Variants in LCORL observed in about 807,000 individuals in gnomAD.
LCORL encodes the protein ligand dependent nuclear receptor corepressor like.
LCORL carries 41 observed loss-of-function variants against 141.8 expected under a neutral mutation model. The observed-to-expected ratio is 0.29, with a 90% confidence interval of 0.23 to 0.38. The LOEUF (loss-of-function observed/expected upper bound fraction) is 0.38. Among genes scored for constraint, LCORL ranks in the 10% least tolerant of loss-of-function variants. LCORL has a pLI of 1.00. For missense variants in LCORL, 1,759 were observed against 2,035.0 expected (o/e 0.86, Z 2.61); for synonymous variants, 618 against 694.1 (o/e 0.89, Z 1.72).
intron 4 of LCORL, among the ~76,000 whole-genome samples, chr4:17,938,342 G>T (rs914961277): frequency 3.3e-5 from 5 of 150,718 alleles, no homozygotes; most frequent in African/African-American, 1.2e-4. Context: ...GACTTACCTT[G>T]ATGTTACAAA....
intron 1 of LCORL, among the ~76,000 whole-genome samples, chr4:17,986,346 T>A (rs921832303): frequency 2.6e-5 from 4 of 152,226 alleles, no homozygotes; most frequent in African/African-American, 9.6e-5. Flanking sequence ...CCCTGAAATA[T>A]GTTTTCCAAG....
intron 1 of LCORL, among the ~76,000 whole-genome samples, chr4:17,982,732 T>C (rs927979636): frequency 2.0e-5 from 3 of 152,240 alleles, no homozygotes; most frequent in African/African-American, 2.4e-5. Flanking sequence ...CTCTTTATTC[T>C]GTTGACAGTT....
At chr4:17,961,408 A>AT (rs952339698) in intron 4 of LCORL, among the ~76,000 whole-genome samples, 4 of 152,014 alleles carry the variant, frequency 2.6e-5, no homozygotes, top group Admixed American at 6.6e-5. Flanking sequence ...AAGAACATTG[A>AT]TTTTTTTAAT....
chr4:17,889,335 CTA>C (rs1728746255), intron 5 of LCORL, among the ~76,000 whole-genome samples: 1 of 151,754 alleles, frequency 6.6e-6, no homozygotes, highest in Non-Finnish European at 1.5e-5. Context: ...CACATCTAGG[CTA>C]TGTTAAAAGT....
Position 18,021,708 on chromosome 4 carries a change from G to A in LCORL, c.44C>T (p.Ala15Val), listed in dbSNP as rs1164994648. 2.6e-6 allele frequency: 4 copies of A among 1,527,262 alleles called. No individual in the cohort carries two copies. The highest frequency in any genetic ancestry group is 2.5e-5 in the South Asian group (2 of 81,592). 94.6% of individuals were successfully genotyped at this position (1,527,262 alleles called of 1,614,324 possible). A position where few individuals can be genotyped will look rare whatever the true frequency, so the allele number is the denominator to read the frequency against. Residue 15 changes from alanine to valine, a missense_variant, in exon 1 of 8, where the codon GCT becomes GTT. Ala to Val is a moderately conservative substitution (Grantham distance 64, BLOSUM62 0). This residue lies in a region of LCORL where 86 missense variants were observed against 61.8 expected (regional missense o/e 1.39). Transcript: ENST00000635767. The surrounding 1 kb of genome is among the most constrained non-coding windows in gnomAD (Gnocchi z 5.5). The stretch of plus-strand genomic sequence containing the variant: ...CTGAGCGGCGGCGGCGGCGGCGGCA[G>A]CAGCGGCGGCGGCAGCGGCCATTCT...
intron 1 of LCORL, among the ~76,000 whole-genome samples, chr4:17,981,931 T>C (rs992687011): frequency 6.6e-6 from 1 of 152,150 alleles, no homozygotes; most frequent in Non-Finnish European, 1.5e-5. Flanking sequence ...CCAATGTCTG[T>C]TGCTCCCCTC....
intron 4 of LCORL, among the ~76,000 whole-genome samples, chr4:17,951,576 A>G (rs374273647): frequency 1.4e-3 from 210 of 152,310 alleles, no homozygotes; most frequent in African/African-American, 4.8e-3. Flanking sequence ...AAATGTAATC[A>G]CCATCTCCAT....
At chr4:17,932,466 A>G (rs1451017074) in intron 4 of LCORL, among the ~76,000 whole-genome samples, 1 of 152,122 alleles carries the variant, frequency 6.6e-6, no homozygotes, top group African/African-American at 2.4e-5. Flanking sequence ...TCAGGCTTCA[A>G]ATGATATCTT....
chr4:17,932,074 T>G (rs941121705), intron 4 of LCORL, among the ~76,000 whole-genome samples: 1 of 152,188 alleles, frequency 6.6e-6, no homozygotes, highest in African/African-American at 2.4e-5. Flanking sequence ...TGGGTAACAT[T>G]AGAATTAATC....
chr4:17,961,559 T>C (rs1040693655), intron 4 of LCORL, among the ~76,000 whole-genome samples: 6 of 152,144 alleles, frequency 3.9e-5, no homozygotes, highest in East Asian at 3.9e-4. Context: ...CTGTAACTTA[T>C]TGAACATCAA....
intron 5 of LCORL, among the ~76,000 whole-genome samples, chr4:17,892,209 CTTTTTTTTTTT>C (rs1018422638): frequency 4.0e-5 from 5 of 126,508 alleles, no homozygotes; most frequent in East Asian, 2.3e-4. Context: ...TTTTTTTTTT[CTTTTTTTTTTT>C]TTTTTTGAGA....
chr4:17,904,867 T>C (rs554462618), intron 5 of LCORL, among the ~76,000 whole-genome samples: 35 of 152,212 alleles, frequency 2.3e-4, no homozygotes, highest in African/African-American at 7.9e-4. Context: ...TGCTTGCAAA[T>C]TTTAGGATCA....
At chr4:17,974,643 G>A (rs187936648) in intron 1 of LCORL, among the ~76,000 whole-genome samples, 300 of 152,068 alleles carry the variant, frequency 2.0e-3, no homozygotes, top group Non-Finnish European at 3.5e-3. Context: ...GAGTAATGCT[G>A]GCCTCATAAA....
At chr4:17,901,298 G>A (rs769419184) in intron 5 of LCORL, among the ~76,000 whole-genome samples, 5 of 151,686 alleles carry the variant, frequency 3.3e-5, no homozygotes, top group Admixed American at 6.6e-5. Context: ...AAGACTATTC[G>A]TTGGCAGTCA....
Position 17,940,462 on chromosome 4 carries a change from TTATGTAATA to T in LCORL, c.430+21432_430+21440del, listed in dbSNP as rs1311958654. 4.8e-5 allele frequency among the ~76,000 whole-genome samples: 7 copies of T among 144,836 alleles called. No homozygotes were observed. The South Asian group carries it at 6.3e-4, about 13-fold the overall frequency. On this transcript the variant is annotated intron_variant, in intron 4 of 7. Transcript: ENST00000635767. ...TATAGTAATATATATGTAATATATATTATGTAATATATGTAATATATATGTATTATGTAA... is the reference window on the plus strand; with the variant it reads ...TATAGTAATATATATGTAATATATATTATGTAATATATATGTATTATGTAA...
chr4:17,884,690 A>G lies in LCORL; in HGVS notation c.776+1378T>C, dbSNP rs1489858880. 15 of 1,522,612 alleles carry G rather than the reference A, an allele frequency of 9.9e-6. No homozygotes were observed. Among genetic ancestry groups the G allele is most frequent in the Non-Finnish European group, 1.3e-5 (15 of 1,137,332 alleles). 94.3% of individuals were successfully genotyped at this position (1,522,612 alleles called of 1,614,324 possible). ...CTGAATGTCTTTCAAAGCTTTTGAG[A>G]GCAAACCATCTGCAAACTCAGCACT... is the stretch of plus-strand genomic sequence containing the variant. On this transcript the variant is annotated intron_variant, in intron 6 of 7. Transcript: ENST00000635767. This position sits in a 1 kb window ranked among gnomAD's most constrained non-coding sequence, Gnocchi z 4.4.
chr4:17,886,460 C>T (rs1296315552), intron 5 of LCORL, among the ~76,000 whole-genome samples: 1 of 151,940 alleles, frequency 6.6e-6, no homozygotes, highest in Non-Finnish European at 1.5e-5. Flanking sequence ...TAGTGAATAG[C>T]CATTGATTGC....
intron 1 of LCORL, among the ~76,000 whole-genome samples, chr4:17,982,189 T>C (rs1450171141): frequency 6.6e-6 from 1 of 151,864 alleles, no homozygotes; most frequent in Non-Finnish European, 1.5e-5. Flanking sequence ...GATGGGCATT[T>C]AGGTTGATTC....
At chr4:17,844,347 G>T (rs1414932538) in exon 8 of LCORL, 1 of 152,270 alleles carries the variant, frequency 6.6e-6, no homozygotes, top group Non-Finnish European at 1.5e-5. Context: ...TTATTATTCA[G>T]AAATGTCCTA....
Sources: allele counts gnomAD v4.1 joint callset (sites outside exome capture counted in the v4.1 genomes callset), GRCh38; gene constraint gnomAD v4.1.1; regional missense constraint gnomAD v4.1.1; non-coding constraint Gnocchi (gnomAD v3.1); transcripts MANE v1.5; gene names NCBI Gene and HGNC (gene_info 2026-07-23, HGNC 2026-07-21).